CLIP1: variants seen among roughly 807,000 people sequenced by gnomAD.
CLIP1 encodes CAP-Gly domain-containing linker protein 1.
Under a neutral mutation model 161.6 loss-of-function variants are expected in CLIP1, and 66 were observed. That is an observed-to-expected ratio of 0.41 (90% CI 0.33 to 0.50). The LOEUF is 0.50. Ranked by LOEUF, CLIP1 falls within the 20% of genes least tolerant of loss-of-function variation. CLIP1 has a pLI of 0.27. For missense variants in CLIP1, 1,376 were observed against 1,702.0 expected (o/e 0.81, Z 3.37); for synonymous variants, 598 against 626.2 (o/e 0.96, Z 0.67).
chr12:122,333,267 A>G, intron 14 of CLIP1, 124 bp from the exon 15 acceptor site: 1 of 698,132 alleles, frequency 1.4e-6, no homozygotes, highest in Non-Finnish European at 2.4e-6. Context: ...ATCACATTCT[A>G]GTGAAGAAGG....
At chr12:122,407,337 C>T (rs1397754962) in intron 1 of CLIP1, among the ~76,000 whole-genome samples, 1 of 152,072 alleles carries the variant, frequency 6.6e-6, no homozygotes, top group Non-Finnish European at 1.5e-5. Context: ...GCTCCTGACC[C>T]TAATGTAAAC....
chr12:122,357,688 G>A (rs1337067159), intron 5 of CLIP1, among the ~76,000 whole-genome samples: 2 of 147,586 alleles, frequency 1.4e-5, no homozygotes, highest in South Asian at 2.2e-4. Context: ...GAGGGAGATG[G>A]GGGGGTCAGT....
chr12:122,280,762 G>T (rs532783544), intron 21 of CLIP1: 1 of 152,320 alleles, frequency 6.6e-6, no homozygotes, highest in Admixed American at 6.5e-5. Context: ...TGTGAAACAC[G>T]AGAGGAAAAT....
chr12:122,373,613 C>A (rs1038176208), intron 3 of CLIP1, among the ~76,000 whole-genome samples: 2 of 151,500 alleles, frequency 1.3e-5, no homozygotes, highest in Admixed American at 6.6e-5. Flanking sequence ...TTGGCAATAT[C>A]TATTAACAAT....
At chr12:122,390,723 G>A (rs904295246) in intron 1 of CLIP1, among the ~76,000 whole-genome samples, 2 of 150,942 alleles carry the variant, frequency 1.3e-5, no homozygotes, top group East Asian at 3.9e-4. Context: ...TGACACCACG[G>A]CTAGACCATT....
Position 122,333,118 on chromosome 12 carries a change from T to C in CLIP1, c.2736A>G (p.Lys912=). 3 of 1,613,044 alleles carry C rather than the reference T, an allele frequency of 1.9e-6. No individual in the cohort carries two copies. Among genetic ancestry groups the C allele is most frequent in the Non-Finnish European group, 2.5e-6 (3 of 1,179,576 alleles). The part of the protein sequence containing the change: ...LADMEAKFRE[K]DEREEQLIKA... ...TTATCAGCTGCTCTTCTCTCTCATC[T>C]TTCTCTCTAAATTTTGCCTCCATAT... The change falls in exon 15 of 26, where the codon AAA becomes AAG. Residue 912 remains lysine (K), a synonymous_variant. Transcript: ENST00000620786.
At chr12:122,356,532 G>A (rs1953372134) in intron 5 of CLIP1, among the ~76,000 whole-genome samples, 1 of 152,298 alleles carries the variant, frequency 6.6e-6, no homozygotes, top group Non-Finnish European at 1.5e-5. Flanking sequence ...GACTAGATGT[G>A]TAGAGCCCAA....
chr12:122,360,592 C>A (rs958334317), intron 5 of CLIP1, among the ~76,000 whole-genome samples: 1 of 151,898 alleles, frequency 6.6e-6, no homozygotes, highest in African/African-American at 2.4e-5. Flanking sequence ...AGAGACAGAT[C>A]TATGGACTTG....
In CLIP1 at chr12:122,418,823, T is replaced by C. The variant is rs376690348; in HGVS notation, c.-107+3698A>G. The stretch of plus-strand genomic sequence containing the variant: ...AGAACTACAGGCTTGCTATGACTAA[T>C]AAACATTGTCTACTCTTCATATCAG... On this transcript the variant is annotated intron_variant, in intron 1 of 25. Transcript: ENST00000620786. Among the ~76,000 whole-genome samples the C allele has an allele frequency of 1.8e-4, 27 of 152,262 alleles. No individual in the cohort carries two copies. In the South Asian group the frequency reaches 4.8e-3, roughly 27 times the overall value.
intron 1 of CLIP1, among the ~76,000 whole-genome samples, chr12:122,405,440 T>C (rs1956293547): frequency 6.6e-6 from 1 of 152,182 alleles, no homozygotes; most frequent in Non-Finnish European, 1.5e-5. Context: ...CGATATATTA[T>C]ATATAACTTT....
intron 12 of CLIP1, among the ~76,000 whole-genome samples, chr12:122,336,061 A>G (rs1952202190): frequency 6.6e-6 from 1 of 152,238 alleles, no homozygotes; most frequent in Admixed American, 6.5e-5. Flanking sequence ...GAAGGAACAG[A>G]GTTGAGAAAA....
At chr12:122,319,387 C>G in intron 17 of CLIP1, 39 bp from the exon 18 acceptor site, 1 of 1,462,582 alleles carries the variant, frequency 6.8e-7, no homozygotes, top group Non-Finnish European at 9.6e-7. Context: ...GAGGACAGCC[C>G]TCGCCAACAC....
chr12:122,398,105 TA>T (rs1407665312), intron 1 of CLIP1, among the ~76,000 whole-genome samples: 8 of 152,034 alleles, frequency 5.3e-5, no homozygotes, highest in African/African-American at 1.9e-4. Flanking sequence ...CTTGGCCAAG[TA>T]AATTCCTCAA....
chr12:122,358,264 A>G (rs1011068442), intron 5 of CLIP1, among the ~76,000 whole-genome samples: 2 of 150,656 alleles, frequency 1.3e-5, no homozygotes, highest in African/African-American at 4.9e-5. Context: ...AGTCATCACC[A>G]CTCCCTAATC....
chr12:122,390,292 A>ATATGTATATATG (rs1555280678), intron 1 of CLIP1, among the ~76,000 whole-genome samples: 13 of 132,828 alleles, frequency 9.8e-5, no homozygotes, highest in African/African-American at 3.1e-4. Flanking sequence ...ATATATATAT[A>ATATGTATATATG]TATATATATA....
intron 2 of CLIP1, among the ~76,000 whole-genome samples, chr12:122,379,307 C>CAA (rs61498384): frequency 0.022 from 2,616 of 116,928 alleles, 58 homozygotes; most frequent in South Asian, 0.044. Flanking sequence ...TACAGCATCT[C>CAA]AAAAAAAAAA....
At chr12:122,364,909 A>T in intron 3 of CLIP1, 1 of 575,178 alleles carries the variant, frequency 1.7e-6, no homozygotes, top group Non-Finnish European at 3.3e-6. Context: ...GCAGCCATAA[A>T]AAATGATGAG....
intron 21 of CLIP1, among the ~76,000 whole-genome samples, chr12:122,287,881 A>G (rs2136288500): frequency 6.6e-6 from 1 of 152,310 alleles, no homozygotes; most frequent in South Asian, 2.1e-4. Flanking sequence ...TGTATGTAAG[A>G]TTCTAGTATG....
intron 1 of CLIP1, among the ~76,000 whole-genome samples, chr12:122,417,980 G>C (rs535492112): frequency 6.6e-6 from 1 of 152,082 alleles, no homozygotes; most frequent in East Asian, 1.9e-4. Flanking sequence ...CACATTCCCA[G>C]CTAGGTCTCC....
Sources: gnomAD v4.1 joint callset for allele counts (sites outside exome capture counted in the v4.1 genomes callset) on GRCh38, gnomAD v4.1.1 for gene constraint, MANE v1.5 for transcripts, NCBI Gene and HGNC (gene_info 2026-07-23, HGNC 2026-07-21) for gene names.